Variants in TRPM3 observed in about 807,000 individuals in gnomAD.
TRPM3 encodes the protein long transient receptor potential channel 3.
A neutral mutation model predicts 181.2 loss-of-function variants in TRPM3; 77 were observed. The ratio of observed to expected loss-of-function variants is 0.42; its 90% CI spans 0.35 to 0.51. TRPM3 has a LOEUF of 0.51. Ranked by LOEUF, TRPM3 falls within the 20% of genes least tolerant of loss-of-function variation. The pLI, the probability that TRPM3 is intolerant of heterozygous loss-of-function variation, is 0.01. For missense variants in TRPM3, 1,759 were observed against 2,196.7 expected (o/e 0.80, Z 3.98); for synonymous variants, 745 against 796.4 (o/e 0.94, Z 1.09).
chr9:70,850,154 A>G (rs952443130), intron 3 of TRPM3, among the ~76,000 whole-genome samples: 1 of 152,214 alleles, frequency 6.6e-6, no homozygotes, highest in Non-Finnish European at 1.5e-5. Context: ...AGTACATTAT[A>G]TCACTAGAAT....
intron 1 of TRPM3, among the ~76,000 whole-genome samples, chr9:70,876,223 C>A (rs1241848114): frequency 1.3e-5 from 2 of 151,146 alleles, no homozygotes; most frequent in African/African-American, 4.9e-5. Context: ...AATATTAAAT[C>A]TTTTTGGAAT....
chr9:70,532,320 A>C lies in TRPM3; in HGVS notation c.*3633T>G, dbSNP rs2131545119. ...TACATTTGAAACATTCAGAAGAAACACATTTTGTGTTTTTATGAGTACATT... is the reference window on the plus strand; with the variant it reads ...TACATTTGAAACATTCAGAAGAAACCCATTTTGTGTTTTTATGAGTACATT... On this transcript the variant is annotated 3_prime_UTR_variant, in exon 26 of 26. Coordinates refer to ENST00000677713, the MANE Select transcript of TRPM3 (RefSeq NM_001366145.2). 1 of 152,314 alleles carries C rather than the reference A, an allele frequency of 6.6e-6. No homozygotes were observed. Among genetic ancestry groups the C allele is most frequent in the African/African-American group, 2.4e-5 (1 of 41,556 alleles). 9.4% of individuals were successfully genotyped at this position (152,314 alleles called of 1,614,324 possible). A position where few individuals can be genotyped will look rare whatever the true frequency, so the allele number is the denominator to read the frequency against.
rs1032012810 is a variant in TRPM3, at chr9:70,881,365, T to C, written c.178-16854A>G. 3.9e-5 allele frequency among the ~76,000 whole-genome samples: 6 copies of C among 152,138 alleles called. No individual in the cohort carries two copies. In the East Asian group the frequency reaches 7.7e-4, roughly 20 times the overall value. On this transcript the variant is annotated intron_variant, in intron 1 of 25. Transcript: ENST00000677713. ...ATTACAAAAGCACGATATGAATTAA[T>C]GTGACCGCCCTACCACCACCCCCAT...
intron 1 of TRPM3, among the ~76,000 whole-genome samples, chr9:71,295,692 A>T (rs940967123): frequency 1.3e-5 from 2 of 151,894 alleles, no homozygotes; most frequent in African/African-American, 4.8e-5. Context: ...TAAACAAGCA[A>T]TCTTGGCTTG....
intron 1 of TRPM3, among the ~76,000 whole-genome samples, chr9:71,388,831 G>A (rs549434497): frequency 1.4e-3 from 212 of 152,190 alleles, no homozygotes; most frequent in African/African-American, 4.9e-3. Flanking sequence ...CAGAGCCCAG[G>A]GATCAACAGA....
At chr9:71,277,650 A>G (rs765285329) in intron 1 of TRPM3, among the ~76,000 whole-genome samples, 7 of 152,352 alleles carry the variant, frequency 4.6e-5, no homozygotes, top group Non-Finnish European at 8.8e-5. Flanking sequence ...CTGATCATGT[A>G]AAATGCAGAG....
At chr9:70,909,579 A>C (rs979163963) in intron 1 of TRPM3, among the ~76,000 whole-genome samples, 2 of 152,192 alleles carry the variant, frequency 1.3e-5, no homozygotes, top group South Asian at 2.1e-4. Context: ...ACAAAGGCCC[A>C]AAAGGTAGGG....
At chr9:70,638,960 G>T in intron 11 of TRPM3, 100 bp downstream of exon 11, 1 of 1,348,738 alleles carries the variant, frequency 7.4e-7, no homozygotes, top group Non-Finnish European at 1.0e-6. Flanking sequence ...CCATGCATTT[G>T]GACGGGAGAA....
intron 17 of TRPM3, among the ~76,000 whole-genome samples, chr9:70,616,511 A>ATTTTTTT (rs5898153): frequency 7.9e-6 from 1 of 125,900 alleles, no homozygotes; most frequent in Non-Finnish European, 1.7e-5. Flanking sequence ...GTCCACTGGC[A>ATTTTTTT]TTTTTTTTTT....
At chr9:71,337,943 G>T (rs923843583) in intron 1 of TRPM3, among the ~76,000 whole-genome samples, 1 of 152,106 alleles carries the variant, frequency 6.6e-6, no homozygotes, top group Admixed American at 6.5e-5. Context: ...AGGGTGGGGG[G>T]CCAGGGGAGG....
At position 70,739,050 on chromosome 9, in the gene TRPM3, T is replaced by C. The variant is rs575598029; in HGVS notation, c.1272+22551A>G. Among the ~76,000 whole-genome samples, 13 of 152,158 alleles carry C rather than the reference T, an allele frequency of 8.5e-5. No homozygotes were observed. The East Asian group carries it at 2.1e-3, about 25-fold the overall frequency. ...GGATTTACAGCTGAATTCTATCAGA[T>C]ATTTAAAGAAGAATGGGTACCAATC... On this transcript the variant is annotated intron_variant, in intron 8 of 25. Coordinates refer to ENST00000677713, the MANE Select transcript of TRPM3 (RefSeq NM_001366145.2).
intron 1 of TRPM3, among the ~76,000 whole-genome samples, chr9:71,179,953 G>A (rs564629229): frequency 2.6e-5 from 4 of 151,448 alleles, no homozygotes; most frequent in Admixed American, 2.6e-4. Flanking sequence ...GGAGGAAACT[G>A]CTTAGTTGAA....
At chr9:70,678,348 G>A (rs1454136015) in intron 9 of TRPM3, among the ~76,000 whole-genome samples, 1 of 151,938 alleles carries the variant, frequency 6.6e-6, no homozygotes, top group Non-Finnish European at 1.5e-5. Context: ...ACTCACTGCA[G>A]CCATAACCTC....
chr9:71,313,716 T>A (rs2088241381), intron 1 of TRPM3, among the ~76,000 whole-genome samples: 1 of 152,180 alleles, frequency 6.6e-6, no homozygotes, highest in Admixed American at 6.6e-5. Flanking sequence ...ATAATCCATT[T>A]AAATTGCAAC....
chr9:71,308,301 C>G (rs931793), intron 1 of TRPM3, among the ~76,000 whole-genome samples: 26,486 of 152,006 alleles, frequency 0.17, 2,346 homozygotes, highest in Admixed American at 0.22. Context: ...ACCTATTACT[C>G]TGCTTGTCTT....
chr9:70,869,142 C>T (rs1020763034), intron 1 of TRPM3: 3 of 792,302 alleles, frequency 3.8e-6, no homozygotes, highest in South Asian at 1.1e-4. Flanking sequence ...CCCCAAGAGA[C>T]GTTTCAAGTA....
rs951280300 is a variant in TRPM3 at position 70,919,740 on chromosome 9, C to T, written c.178-55229G>A. Among the ~76,000 whole-genome samples the T allele has an allele frequency of 3.4e-4, 51 of 150,502 alleles. 2 individuals are homozygous for T. Among genetic ancestry groups the T allele is most frequent in the Admixed American group, 3.0e-3 (45 of 15,072 alleles). ...TGGAGATTGCAGTGAGCCAAGATCA[C>T]GCCATTGCACTCCAGCCTGGGTGAC... On this transcript the variant is annotated intron_variant, in intron 1 of 25. Transcript: ENST00000677713.
intron 19 of TRPM3, among the ~76,000 whole-genome samples, chr9:70,609,688 C>T (rs776383471): frequency 1.3e-5 from 2 of 152,192 alleles, no homozygotes; most frequent in African/African-American, 2.4e-5. Flanking sequence ...GCTTTAAAGT[C>T]AATGTTAAGT....
Position 70,537,312 on chromosome 9 carries a change from C to A in TRPM3, c.3801G>T (p.Gln1267His). ...CCATGCGCCCGATAAGGTCTTCCAG[C>A]TGCGCCAGCCGGATGTCCACGGTCT... ...SLQTVDIRLA[Q>H]LEDLIGRMAT... Residue 1267 changes from glutamine to histidine, a missense_variant, in exon 26 of 26, where the codon CAG becomes CAT. Physicochemically the swap from Gln to His is conservative, Grantham distance 24. Around this residue, in one of 8 missense-constraint regions of TRPM3, gnomAD observed 612 missense variants for 590.0 expected, o/e 1.04. Coordinates refer to ENST00000677713, the MANE Select transcript of TRPM3 (RefSeq NM_001366145.2). 1 of 1,529,372 alleles carries A rather than the reference C, an allele frequency of 6.5e-7. No individual in the cohort carries two copies. Among genetic ancestry groups the A allele is most frequent in the Non-Finnish European group, 8.8e-7 (1 of 1,136,618 alleles). 94.7% of individuals were successfully genotyped at this position (1,529,372 alleles called of 1,614,324 possible).
Sources: allele counts gnomAD v4.1 joint callset (sites outside exome capture counted in the v4.1 genomes callset), GRCh38; gene constraint gnomAD v4.1.1; regional missense constraint gnomAD v4.1.1; transcripts MANE v1.5; gene names NCBI Gene and HGNC (gene_info 2026-07-23, HGNC 2026-07-21).